The following MEOX1 variants were observed in gnomAD, a reference collection of about 807,000 sequenced individuals.
MEOX1 encodes the protein homeobox protein MOX-1.
MEOX1 carries 17 observed loss-of-function variants against 23.2 expected under a neutral mutation model. The ratio of observed to expected loss-of-function variants is 0.73; its 90% CI spans 0.50 to 1.10. The LOEUF (loss-of-function observed/expected upper bound fraction) is 1.10. Among genes scored for constraint, MEOX1 ranks in the 50% least tolerant of loss-of-function variants. MEOX1 has a pLI of 0.00. For missense variants in MEOX1, 333 were observed against 332.2 expected, an observed-to-expected ratio of 1.00 and a Z score of -0.02; for synonymous variants, 134 against 135.1, an observed-to-expected ratio of 0.99 and a Z score of 0.06.
chr17:43,653,804 G>A (rs532690077), intron 1 of MEOX1, among the ~76,000 whole-genome samples: 9 of 151,490 alleles, frequency 5.9e-5, no homozygotes, highest in Non-Finnish European at 1.2e-4. Context: ...CACCGCACCC[G>A]GCCAACTGCC....
At chr17:43,645,171 CTTTTT>C (rs869205502) in intron 1 of MEOX1, among the ~76,000 whole-genome samples, 42 of 99,776 alleles carry the variant, frequency 4.2e-4, no homozygotes, top group Middle Eastern at 0.013. Flanking sequence ...CATTAATTAT[CTTTTT>C]TTTTTTTTTT....
intron 1 of MEOX1, among the ~76,000 whole-genome samples, chr17:43,646,902 G>A (rs1325434860): frequency 1.3e-5 from 2 of 152,220 alleles, no homozygotes; most frequent in South Asian, 2.1e-4. Context: ...CAGGAGAATC[G>A]TTTGAACCTG....
At chr17:43,645,464 A>G (rs1159829686) in intron 1 of MEOX1, among the ~76,000 whole-genome samples, 1 of 152,142 alleles carries the variant, frequency 6.6e-6, no homozygotes, top group Non-Finnish European at 1.5e-5. Context: ...GGCGTGAGCC[A>G]CTGCGCCCGG....
At chr17:43,644,723 G>T (rs556008540) in intron 1 of MEOX1, among the ~76,000 whole-genome samples, 1 of 152,274 alleles carries the variant, frequency 6.6e-6, no homozygotes, top group African/African-American at 2.4e-5. Context: ...AGACCAGCCT[G>T]GCCAACATGG....
chr17:43,655,926 C>T (rs991427899), intron 1 of MEOX1, among the ~76,000 whole-genome samples: 6 of 152,106 alleles, frequency 3.9e-5, no homozygotes, highest in South Asian at 4.2e-4. Flanking sequence ...TTCTAGAAAT[C>T]GATTGCACAA....
In MEOX1 at chr17:43,661,445, A is replaced by G. The variant is rs547913370; in HGVS notation, c.90T>C (p.Asn30=). 5.7e-5 allele frequency: 92 copies of G among 1,612,016 alleles called. No individual in the cohort carries two copies. Among genetic ancestry groups the G allele is most frequent in the Non-Finnish European group, 7.5e-5 (89 of 1,179,484 alleles). Residue 30 remains asparagine (N), a synonymous_variant, in exon 1 of 3, where the codon AAT becomes AAC. Transcript: ENST00000318579. ...GGTAGTGGGGTAGCCCTGAGGCCCC[A>G]TTGCCTTCCGAGTGGGGGTTTCGAA... is the stretch of plus-strand genomic sequence containing the variant. ...GCLRNPHSEG[N]GASGLPHYPP...
chr17:43,646,710 T>C (rs1362459130), intron 1 of MEOX1, among the ~76,000 whole-genome samples: 1 of 152,258 alleles, frequency 6.6e-6, no homozygotes, highest in African/African-American at 2.4e-5. Flanking sequence ...GCAAGGTGGC[T>C]CACGCCTGTA....
At chr17:43,657,170 C>CTTTTTT (rs57432395) in intron 1 of MEOX1, among the ~76,000 whole-genome samples, 12 of 81,724 alleles carry the variant, frequency 1.5e-4, no homozygotes, top group East Asian at 7.1e-4. Context: ...TTCTTTCTTT[C>CTTTTTT]TTTTTTTTTT....
chr17:43,650,809 C>T (rs938900404), intron 1 of MEOX1, among the ~76,000 whole-genome samples: 7 of 152,158 alleles, frequency 4.6e-5, no homozygotes, highest in African/African-American at 1.7e-4. Context: ...TGGGATGGAG[C>T]CAGCCCGAGA....
intron 1 of MEOX1, among the ~76,000 whole-genome samples, chr17:43,652,683 C>T (rs541599480): frequency 1.3e-5 from 2 of 152,134 alleles, no homozygotes; most frequent in South Asian, 4.2e-4. Flanking sequence ...TCTGACCACC[C>T]TTCCTCCTAT....
chr17:43,642,106 A>G (rs920710706), intron 2 of MEOX1, 74 bp from the exon 3 acceptor site: 5 of 1,515,212 alleles, frequency 3.3e-6, no homozygotes, highest in Middle Eastern at 1.9e-4. Flanking sequence ...TGCTTAGGCT[A>G]GCCAGGGTGT....
At position 43,641,165 on chromosome 17, in the gene MEOX1, G is replaced by A. The variant is rs959847362; in HGVS notation, c.*745C>T. On this transcript the variant is annotated 3_prime_UTR_variant, in exon 3 of 3. Coordinates refer to ENST00000318579, the MANE Select transcript of MEOX1 (RefSeq NM_004527.4). The stretch of plus-strand genomic sequence containing the variant: ...TGATTTTGATTTTGAAGCAGCAGGT[G>A]CTGTCATGGGTTCATTCTTGTCCAC... 6.6e-6 allele frequency: 1 copy of A among 152,144 alleles called. No individual in the cohort carries two copies. Among genetic ancestry groups the A allele is most frequent in the African/African-American group, 2.4e-5 (1 of 41,444 alleles). 9.4% of individuals were successfully genotyped at this position (152,144 alleles called of 1,614,324 possible).
intron 1 of MEOX1, among the ~76,000 whole-genome samples, chr17:43,650,987 T>A (rs1222139685): frequency 6.6e-6 from 1 of 152,106 alleles, no homozygotes; most frequent in Non-Finnish European, 1.5e-5. Flanking sequence ...ATTCAAGGGA[T>A]ATTTCATGGG....
intron 1 of MEOX1, among the ~76,000 whole-genome samples, chr17:43,654,875 A>T (rs372223026): frequency 1.3e-5 from 2 of 151,882 alleles, no homozygotes; most frequent in East Asian, 3.9e-4. Flanking sequence ...ACACAGTGAA[A>T]CCCCGTCTCT....
intron 1 of MEOX1, among the ~76,000 whole-genome samples, chr17:43,657,793 C>T (rs970060297): frequency 6.6e-6 from 1 of 152,178 alleles, no homozygotes; most frequent in Non-Finnish European, 1.5e-5. Flanking sequence ...TTGAAATATT[C>T]AATTCCACCA....
Position 43,661,512 on chromosome 17 carries a change from C to A in MEOX1, c.23G>T (p.Cys8Phe), listed in dbSNP as rs1159444661. 5 of 1,575,196 alleles carry A rather than the reference C, an allele frequency of 3.2e-6. No homozygotes were observed. The African/African-American group carries it at 6.8e-5, about 21-fold the overall frequency. ...GGCTGGGGGCTGGAGGCTCCTCATG[C>A]AGCTGCTGGCCGCGGGATCCATCTG... is the stretch of plus-strand genomic sequence containing the variant. The part of the protein sequence containing the change: MDPAASS[C>F]MRSLQPPAPV... Residue 8 changes from cysteine (C) to phenylalanine (F), a missense_variant, in exon 1 of 3, where the codon TGC (cysteine) becomes TTC (phenylalanine). Physicochemically the swap from Cys to Phe is radical, Grantham distance 205. Transcript: ENST00000318579.
rs201255960 is a variant in MEOX1 at position 43,661,142 on chromosome 17, G to A, written c.393C>T (p.Gly131=). ...LGLVDTTGGP[G]DDYGVLGSTA... is the part of the protein sequence containing the mutation. ...TGCTCCCAAGCACCCCGTAGTCATCGCCTGGGCCTCCTGTGGTGTCCACCA... is the reference window on the plus strand; with the variant it reads ...TGCTCCCAAGCACCCCGTAGTCATCACCTGGGCCTCCTGTGGTGTCCACCA... The change falls in exon 1 of 3, where the codon GGC becomes GGT. Residue 131 remains glycine (G), a synonymous_variant. Coordinates refer to ENST00000318579, the MANE Select transcript of MEOX1 (RefSeq NM_004527.4). The A allele has an allele frequency of 5.2e-5, 80 of 1,548,918 alleles. 2 individuals are homozygous for A. In the East Asian group the frequency reaches 1.0e-3, roughly 20 times the overall value.
At chr17:43,660,126 G>T (rs1002118250) in intron 1 of MEOX1, among the ~76,000 whole-genome samples, 6 of 152,236 alleles carry the variant, frequency 3.9e-5, no homozygotes, top group Admixed American at 2.6e-4. Flanking sequence ...CTTGGTCACT[G>T]CTTTGTTCTG....
At position 43,661,314 on chromosome 17, in the gene MEOX1, A is replaced by G. The variant is rs1476315402; in HGVS notation, c.221T>C (p.Leu74Pro). 6.2e-7 allele frequency: 1 copy of G among 1,611,390 alleles called. No homozygotes were observed. Among genetic ancestry groups the G allele is most frequent in the East Asian group, 2.2e-5 (1 of 44,714 alleles). Reference protein sequence around the residue: ...ASCLAATPHSLPQEEHIFTEQ... With the variant: ...ASCLAATPHSPPQEEHIFTEQ... ...AGTGAAGATGTGCTCCTCCTGGGGCAGGCTGTGTGGGGTGGCTGCCAGGCA... is the reference window on the plus strand; with the variant it reads ...AGTGAAGATGTGCTCCTCCTGGGGCGGGCTGTGTGGGGTGGCTGCCAGGCA... Residue 74 changes from leucine to proline, a missense_variant, in exon 1 of 3, where the codon CTG (leucine) becomes CCG (proline). Physicochemically the swap from Leu to Pro is moderately conservative, Grantham distance 98. Coordinates refer to ENST00000318579, the MANE Select transcript of MEOX1 (RefSeq NM_004527.4).
Sources: allele counts gnomAD v4.1 joint callset (sites outside exome capture counted in the v4.1 genomes callset), GRCh38; gene constraint gnomAD v4.1.1; transcripts MANE v1.5; gene names NCBI Gene and HGNC (gene_info 2026-07-23, HGNC 2026-07-21).